Variants in BANP observed in about 807,000 individuals in gnomAD.
BANP encodes the protein BTG3 associated nuclear protein.
Under a neutral mutation model 68.1 loss-of-function variants are expected in BANP, and 11 were observed. That is an observed-to-expected ratio of 0.16 (90% confidence interval 0.10 to 0.27). BANP has a LOEUF of 0.27. Among genes scored for constraint, BANP ranks in the 10% least tolerant of loss-of-function variants. The probability of loss-of-function intolerance (pLI) is 1.00; values close to 1 mark genes in which losing one functional copy is unlikely to be tolerated. For missense variants in BANP, 504 were observed against 722.7 expected (o/e 0.70, Z 3.47); for synonymous variants, 329 against 303.2 (o/e 1.09, Z -0.88).
chr16:87,975,628 G>A (rs576468292), intron 2 of BANP, among the ~76,000 whole-genome samples: 19 of 150,766 alleles, frequency 1.3e-4, no homozygotes, highest in South Asian at 4.2e-4. Flanking sequence ...TGTGTGCGGC[G>A]TCCAGGATCC....
chr16:87,956,685 C>G (rs1324292168), intron 1 of BANP: 1 of 152,126 alleles, frequency 6.6e-6, no homozygotes, highest in African/African-American at 2.4e-5. Context: ...GCAAGCTCAG[C>G]CTGCTTTGGT....
chr16:88,029,606 G>A (rs1225105228), intron 8 of BANP, among the ~76,000 whole-genome samples: 5 of 101,042 alleles, frequency 4.9e-5, no homozygotes, highest in African/African-American at 1.1e-4. Flanking sequence ...GCAAGACTCC[G>A]TCTCAAAAAA....
intron 11 of BANP, among the ~76,000 whole-genome samples, chr16:88,047,492 A>ATT: frequency 6.6e-6 from 1 of 152,142 alleles, no homozygotes; most frequent in African/African-American, 2.4e-5. Context: ...AACAGGGTGC[A>ATT]TGTTTGTTCT....
intron 11 of BANP, among the ~76,000 whole-genome samples, chr16:88,060,610 T>C (rs901749415): frequency 6.6e-6 from 1 of 152,350 alleles, no homozygotes; most frequent in Middle Eastern, 3.4e-3. Flanking sequence ...CGGTGCCATC[T>C]GGAGGGTGCG....
chr16:88,068,964 G>C (rs1048509319), intron 12 of BANP, among the ~76,000 whole-genome samples: 8 of 151,594 alleles, frequency 5.3e-5, no homozygotes, highest in South Asian at 2.1e-4. Context: ...GCCCCTGTCC[G>C]TGCACCCAGC....
intron 1 of BANP, among the ~76,000 whole-genome samples, chr16:87,966,154 C>T (rs138743029): frequency 1.3e-5 from 2 of 152,340 alleles, no homozygotes; most frequent in East Asian, 3.9e-4. Context: ...TTAAATCAGT[C>T]TCATCCATGT....
intron 1 of BANP, chr16:87,952,883 TC>T (rs2057255624): frequency 6.6e-6 from 1 of 152,120 alleles, no homozygotes; most frequent in Non-Finnish European, 1.5e-5. Context: ...CAAGTGATCC[TC>T]CCACCGCAGC....
chr16:88,044,353 G>GCTTT (rs2152797982), intron 11 of BANP, among the ~76,000 whole-genome samples: 1 of 152,370 alleles, frequency 6.6e-6, no homozygotes, highest in Admixed American at 6.5e-5. Flanking sequence ...CGAGAAGGCA[G>GCTTT]CTTTCCACTG....
At chr16:88,033,472 G>A (rs1354256439) in intron 9 of BANP, among the ~76,000 whole-genome samples, 1 of 152,182 alleles carries the variant, frequency 6.6e-6, no homozygotes, top group African/African-American at 2.4e-5. Context: ...CACATGGTGG[G>A]GTGGGGCATT....
At chr16:88,012,345 G>A (rs1293624000) in intron 6 of BANP, among the ~76,000 whole-genome samples, 6 of 152,194 alleles carry the variant, frequency 3.9e-5, no homozygotes, top group African/African-American at 1.4e-4. Context: ...CTTTGCAAAA[G>A]CCAGATGAAA....
intron 13 of BANP, 89 bp downstream of exon 13, chr16:88,072,301 C>T (rs534469035): frequency 1.0e-5 from 15 of 1,443,976 alleles, no homozygotes; most frequent in South Asian, 6.8e-5. Flanking sequence ...GGGGCTTTCT[C>T]GTGACTCTTC....
rs1356127760 is a variant in BANP, at chr16:88,018,105, GA to G, written c.656-322del. 6.6e-6 allele frequency among the ~76,000 whole-genome samples: 1 copy of G among 152,122 alleles called. No individual in the cohort carries two copies. The highest frequency in any genetic ancestry group is 2.4e-5 in the African/African-American group (1 of 41,424). ...GGGGCAGGTACCAACTGTGTGCAAG[GA>G]TATCGGTATTGCTGGGGTCCCGGGT... On this transcript the variant is annotated intron_variant, in intron 6 of 13. Coordinates refer to ENST00000682872, the MANE Select transcript of BANP (RefSeq NM_001386991.1). The surrounding 1 kb of genome is among the most constrained non-coding windows in gnomAD (Gnocchi z 7.7).
intron 4 of BANP, among the ~76,000 whole-genome samples, chr16:87,997,755 C>T (rs1382171778): frequency 2.0e-5 from 3 of 152,250 alleles, no homozygotes; most frequent in Non-Finnish European, 4.4e-5. Context: ...GTGAAATAGC[C>T]AGGATGGCTG....
chr16:88,027,145 G>T (rs1307337600), intron 7 of BANP, among the ~76,000 whole-genome samples: 1 of 152,392 alleles, frequency 6.6e-6, no homozygotes. Context: ...GCAGAGGGAA[G>T]TTGGGGCGTG....
At chr16:88,052,241 C>A (rs7405014) in intron 11 of BANP, among the ~76,000 whole-genome samples, 113,512 of 152,110 alleles carry the variant, frequency 0.75, 42,716 homozygotes, top group Non-Finnish European at 0.8. Context: ...GGCATATCCA[C>A]GTCATCCTTA....
At chr16:88,029,068 A>G (rs536819637) in intron 8 of BANP, among the ~76,000 whole-genome samples, 4 of 152,304 alleles carry the variant, frequency 2.6e-5, no homozygotes, top group South Asian at 2.1e-4. Flanking sequence ...GCACTTTGGG[A>G]GGCTGAGGCA....
At chr16:88,054,711 T>C (rs956815573) in intron 11 of BANP, among the ~76,000 whole-genome samples, 1 of 152,242 alleles carries the variant, frequency 6.6e-6, no homozygotes, top group Non-Finnish European at 1.5e-5. Context: ...GAAATGACAG[T>C]GCTTCCTTTG....
intron 7 of BANP, among the ~76,000 whole-genome samples, chr16:88,026,386 G>A (rs1406862946): frequency 6.6e-6 from 1 of 152,200 alleles, no homozygotes; most frequent in Non-Finnish European, 1.5e-5. Context: ...CCTGAGCAGC[G>A]ATGGGAGGGT....
chr16:88,042,271 C>A (rs377428947), intron 11 of BANP, among the ~76,000 whole-genome samples: 8 of 152,204 alleles, frequency 5.3e-5, no homozygotes, highest in Non-Finnish European at 1.0e-4. Context: ...TCATAAAGAG[C>A]CATTTGGGAA....
Sources: allele counts gnomAD v4.1 joint callset (sites outside exome capture counted in the v4.1 genomes callset), GRCh38; gene constraint gnomAD v4.1.1; non-coding constraint Gnocchi (gnomAD v3.1); transcripts MANE v1.5; gene names NCBI Gene and HGNC (gene_info 2026-07-23, HGNC 2026-07-21).